The following ZMIZ1 variants were observed in gnomAD, a reference collection of about 807,000 sequenced individuals.
ZMIZ1 encodes zinc finger MIZ-type containing 1.
Under a neutral mutation model 113.9 loss-of-function variants are expected in ZMIZ1, and 17 were observed. The observed-to-expected ratio is 0.15, with a 90% CI of 0.10 to 0.22. The LOEUF is 0.22. Among genes scored for constraint, ZMIZ1 ranks in the 10% least tolerant of loss-of-function variants. The pLI is 1.00. For synonymous variants in ZMIZ1, 607 were observed against 603.1 expected, an observed-to-expected ratio of 1.01 and a Z score of -0.09; for missense variants, 1,059 against 1,477.8, an observed-to-expected ratio of 0.72 and a Z score of 4.65.
At chr10:79,158,356 T>C (rs963536334) in intron 3 of ZMIZ1, among the ~76,000 whole-genome samples, 12 of 152,154 alleles carry the variant, frequency 7.9e-5, no homozygotes, top group African/African-American at 2.7e-4. Flanking sequence ...TGGAGCCTTC[T>C]CTGGTGAGAG....
intron 2 of ZMIZ1, among the ~76,000 whole-genome samples, chr10:79,137,449 C>T (rs1427945658): frequency 2.0e-5 from 3 of 152,256 alleles, no homozygotes; most frequent in Non-Finnish European, 4.4e-5. Flanking sequence ...GCTGCTCCTA[C>T]TCACCCGGAC....
chr10:79,085,247 C>T (rs1842771273), intron 1 of ZMIZ1, among the ~76,000 whole-genome samples: 1 of 152,096 alleles, frequency 6.6e-6, no homozygotes, highest in Non-Finnish European at 1.5e-5. Context: ...CTGGCACCCT[C>T]CTCTGCAACC....
At chr10:79,150,748 C>T (rs1845681724) in intron 3 of ZMIZ1, among the ~76,000 whole-genome samples, 1 of 152,166 alleles carries the variant, frequency 6.6e-6, no homozygotes. Context: ...ACCTCCCCAT[C>T]CACCCCTGTC....
At chr10:79,187,499 C>T (rs894278390) in intron 4 of ZMIZ1, among the ~76,000 whole-genome samples, 11 of 152,180 alleles carry the variant, frequency 7.2e-5, no homozygotes, top group African/African-American at 2.4e-4. Context: ...AGTGAGAATT[C>T]GATGGGATGA....
chr10:79,305,731 A>G (rs940508951), intron 21 of ZMIZ1, 130 bp downstream of exon 21: 3 of 950,030 alleles, frequency 3.2e-6, no homozygotes, highest in African/African-American at 3.2e-5. Flanking sequence ...CACATCCCCC[A>G]CCTCTCTGTC....
chr10:79,125,070 G>A (rs151313065), intron 2 of ZMIZ1, among the ~76,000 whole-genome samples: 16 of 152,334 alleles, frequency 1.1e-4, no homozygotes, highest in African/African-American at 2.6e-4. Context: ...TCCACTGGCC[G>A]GACCTTCATG....
At chr10:79,208,114 A>AGGTGG (rs1848401832) in intron 5 of ZMIZ1, among the ~76,000 whole-genome samples, 1 of 9,318 alleles carries the variant, frequency 1.1e-4, no homozygotes, top group South Asian at 2.8e-3. Context: ...TGGATCGGGG[A>AGGTGG]GGTGGGGTGG....
rs995349308 is a variant in ZMIZ1, at chr10:79,303,141, C to T, written c.2126-874C>T. 3.3e-5 allele frequency among the ~76,000 whole-genome samples: 5 copies of T among 151,712 alleles called. No homozygotes were observed. In the East Asian group the frequency reaches 7.9e-4, roughly 24 times the overall value. Reference sequence around the variant, plus strand: ...TCCCAAAGTGCTGGGATTACAGGCGCGAGCCACCACACCTGGCCAGCTTAT... The same window carrying T: ...TCCCAAAGTGCTGGGATTACAGGCGTGAGCCACCACACCTGGCCAGCTTAT... On this transcript the variant is annotated intron_variant, in intron 18 of 24. Coordinates refer to ENST00000334512, the MANE Select transcript of ZMIZ1 (RefSeq NM_020338.4).
chr10:79,142,510 TG>T (rs1218573647), intron 3 of ZMIZ1, among the ~76,000 whole-genome samples: 1 of 152,126 alleles, frequency 6.6e-6, no homozygotes, highest in African/African-American at 2.4e-5. Flanking sequence ...AAGACTCTGC[TG>T]GGCAGTGCAT....
At chr10:79,201,750 C>A in intron 5 of ZMIZ1, 58 bp downstream of exon 5, 1 of 1,591,376 alleles carries the variant, frequency 6.3e-7, no homozygotes, top group Non-Finnish European at 8.6e-7. Flanking sequence ...GCTGCAGCAG[C>A]AGGGCATCTG....
At chr10:79,184,937 C>T (rs150693593) in intron 4 of ZMIZ1, among the ~76,000 whole-genome samples, 3 of 152,304 alleles carry the variant, frequency 2.0e-5, no homozygotes, top group East Asian at 3.9e-4. Flanking sequence ...TTTACCTGCT[C>T]AGCCATAAAG....
chr10:79,137,934 C>CT (rs1845086006), intron 2 of ZMIZ1, among the ~76,000 whole-genome samples: 1 of 152,158 alleles, frequency 6.6e-6, no homozygotes, highest in Non-Finnish European at 1.5e-5. Context: ...CACAGCTGTG[C>CT]GGTCCTGGGC....
chr10:79,186,687 G>A (rs1234619585), intron 4 of ZMIZ1, among the ~76,000 whole-genome samples: 1 of 152,200 alleles, frequency 6.6e-6, no homozygotes, highest in Non-Finnish European at 1.5e-5. Context: ...TAGCACTTTG[G>A]AATTTTCAAA....
intron 7 of ZMIZ1, among the ~76,000 whole-genome samples, chr10:79,246,204 G>A (rs1158086347): frequency 1.3e-5 from 2 of 152,216 alleles, no homozygotes; most frequent in African/African-American, 4.8e-5. Flanking sequence ...CAACCCCTTG[G>A]CCAGCACTCT....
At chr10:79,306,495 G>A (rs924966436) in intron 22 of ZMIZ1, 151 bp downstream of exon 22, 2 of 1,379,268 alleles carry the variant, frequency 1.5e-6, no homozygotes, top group African/African-American at 2.9e-5. Flanking sequence ...TTCCCAGTTT[G>A]CTAGACTTGA....
intron 7 of ZMIZ1, among the ~76,000 whole-genome samples, chr10:79,231,926 G>A (rs565892827): frequency 3.3e-5 from 5 of 152,356 alleles, no homozygotes; most frequent in African/African-American, 1.2e-4. Context: ...AGCTAGTCCA[G>A]TGAGACTGAG....
At chr10:79,286,786 CT>C (rs1196576308) in intron 8 of ZMIZ1, among the ~76,000 whole-genome samples, 1 of 152,252 alleles carries the variant, frequency 6.6e-6, no homozygotes, top group Non-Finnish European at 1.5e-5. Context: ...GTTCGTGGGC[CT>C]GTGTAGCGTC....
At chr10:79,083,841 C>G (rs771227853) in intron 1 of ZMIZ1, among the ~76,000 whole-genome samples, 2 of 152,224 alleles carry the variant, frequency 1.3e-5, no homozygotes, top group Non-Finnish European at 2.9e-5. Flanking sequence ...TTGCTGTGTC[C>G]TGGGAGTCTG....
At chr10:79,194,785 C>G (rs1847762606) in intron 4 of ZMIZ1, among the ~76,000 whole-genome samples, 1 of 152,184 alleles carries the variant, frequency 6.6e-6, no homozygotes, top group Non-Finnish European at 1.5e-5. Context: ...AAGCAGCCCT[C>G]TATACATAAT....
Sources: gnomAD v4.1 joint callset for allele counts (sites outside exome capture counted in the v4.1 genomes callset) on GRCh38, gnomAD v4.1.1 for gene constraint, MANE v1.5 for transcripts, NCBI Gene and HGNC (gene_info 2026-07-23, HGNC 2026-07-21) for gene names.